Variants in FHL1 observed in about 807,000 individuals in gnomAD.
FHL1 encodes the protein four and a half LIM domains protein 1.
Under a neutral mutation model 20.3 loss-of-function variants are expected in FHL1, and 1 was observed. The ratio of observed to expected loss-of-function variants is 0.05; its 90% CI spans 0.02 to 0.23. FHL1 has a LOEUF of 0.23. FHL1 is among the 10% of genes least tolerant of loss of function. The pLI is 1.00. For missense variants in FHL1, 177 were observed against 234.0 expected (o/e 0.76, Z 1.59); for synonymous variants, 82 against 88.9 (o/e 0.92, Z 0.44).
intron 2 of FHL1, among the ~76,000 whole-genome samples, chrX:136,181,546 GA>G (rs111851993): frequency 8.9e-6 from 1 of 112,075 alleles, no homozygotes; most frequent in East Asian, 2.8e-4. Flanking sequence ...ATAATGCCTA[GA>G]AAAACCTTAA....
intron 1 of FHL1, chrX:136,148,807 A>C (rs1363376212): frequency 2.7e-5 from 3 of 112,615 alleles, no homozygotes; most frequent in Non-Finnish European, 5.6e-5. Flanking sequence ...GAAAAGGACA[A>C]GGCTTATTAA....
intron 1 of FHL1, among the ~76,000 whole-genome samples, chrX:136,200,653 TG>T (rs1415092668): frequency 2.7e-5 from 3 of 112,065 alleles, no homozygotes; most frequent in Non-Finnish European, 5.6e-5. Flanking sequence ...GATTAGGTAC[TG>T]GGGCCCCCTA....
upstream of FHL1, among the ~76,000 whole-genome samples, chrX:136,195,230 G>A (rs958744033): frequency 8.9e-6 from 1 of 112,404 alleles, no homozygotes; most frequent in African/African-American, 3.2e-5. Flanking sequence ...GCTTGAAACA[G>A]GAATTGACTT....
chrX:136,188,212 C>T (rs2073355178), intron 2 of FHL1, among the ~76,000 whole-genome samples: 1 of 111,658 alleles, frequency 9.0e-6, no homozygotes, highest in Non-Finnish European at 1.9e-5. Flanking sequence ...CAAATGAAGC[C>T]CTGATTGATA....
intron 2 of FHL1, among the ~76,000 whole-genome samples, chrX:136,180,884 G>A (rs757430419): frequency 8.0e-4 from 89 of 111,452 alleles, no homozygotes; most frequent in African/African-American, 2.8e-3. Context: ...TGGAATTACA[G>A]GCGCTTACCA....
At chrX:136,199,713 A>AT (rs1341261276) in intron 1 of FHL1, among the ~76,000 whole-genome samples, 3 of 112,210 alleles carry the variant, frequency 2.7e-5, no homozygotes, top group Admixed American at 9.4e-5. Flanking sequence ...AAATAACCTG[A>AT]TTTTTTTCCA....
chrX:136,168,325 T>A (rs1284628326), upstream of FHL1: 6 of 111,393 alleles, frequency 5.4e-5, no homozygotes, highest in African/African-American at 6.5e-5. Context: ...TGGTGGGAGA[T>A]GAGATGGAGT....
Position 136,179,117 on chromosome X carries a change from T to C in FHL1, c.-27+9137T>C, listed in dbSNP as rs2073089966. On this transcript the variant is annotated intron_variant, in intron 2 of 6. Coordinates refer to the FHL1 transcript ENST00000394153. The stretch of plus-strand genomic sequence containing the variant: ...CAAATTCATAATTTCCATAAGGTAC[T>C]CTCTGTGTTTCTTTCCCAGGACCGG... 5.4e-5 allele frequency among the ~76,000 whole-genome samples: 6 copies of C among 112,126 alleles called. No homozygotes were observed. The South Asian group carries it at 2.3e-3, about 42-fold the overall frequency.
chrX:136,199,332 ATTTG>A (rs776334500), intron 1 of FHL1, among the ~76,000 whole-genome samples: 10 of 111,975 alleles, frequency 8.9e-5, no homozygotes, highest in Non-Finnish European at 1.9e-4. Flanking sequence ...CCCAAAAAAG[ATTTG>A]TTTTTTTTCT....
At position 136,210,036 on chromosome X, in the gene FHL1, G is replaced by A. The variant is rs1217671446; in HGVS notation, c.*11G>A. The A allele has an allele frequency of 6.6e-6, 8 of 1,210,978 alleles. No homozygotes were observed. Among genetic ancestry groups the A allele is most frequent in the East Asian group, 3.0e-5 (1 of 33,813 alleles). Reference sequence around the variant, plus strand: ...GCCAAAAAGCTGTAAACTGACAGGGGCTCCTGTCCTGTAAAATGGCATTTG... The same window carrying A: ...GCCAAAAAGCTGTAAACTGACAGGGACTCCTGTCCTGTAAAATGGCATTTG... On this transcript the variant is annotated 3_prime_UTR_variant, in exon 6 of 6. Coordinates refer to ENST00000370683, the MANE Select transcript of FHL1 (RefSeq NM_001159699.2).
In FHL1 at chrX:136,210,658, T is replaced by G. The variant is rs2073989850; in HGVS notation, c.*633T>G. 2.6e-6 allele frequency: 1 copy of G among 388,684 alleles called. No individual in the cohort carries two copies. The highest frequency in any genetic ancestry group is 2.9e-5 in the Admixed American group (1 of 34,078). 32.0% of individuals were successfully genotyped at this position (388,684 alleles called of 1,213,427 possible). A position where few individuals can be genotyped will look rare whatever the true frequency, so the allele number is the denominator to read the frequency against. On this transcript the variant is annotated 3_prime_UTR_variant, in exon 6 of 6. Coordinates refer to ENST00000370683, the MANE Select transcript of FHL1 (RefSeq NM_001159699.2). Reference sequence around the variant, plus strand: ...GTTTGGTTTCCCCGTGTGGCATGTTTTCTGAGCGTTCCTACTTTAAAGCAT... The same window carrying G: ...GTTTGGTTTCCCCGTGTGGCATGTTGTCTGAGCGTTCCTACTTTAAAGCAT...
intron 1 of FHL1, among the ~76,000 whole-genome samples, chrX:136,152,660 C>T (rs1243550755): frequency 1.1e-5 from 1 of 95,002 alleles, no homozygotes; most frequent in African/African-American, 4.1e-5. Flanking sequence ...TCGGAGGTTG[C>T]AGTGAGCCGA....
chrX:136,206,067 C>G (rs1048885800), intron 1 of FHL1: 26 of 345,765 alleles, frequency 7.5e-5, no homozygotes, highest in African/African-American at 6.5e-4. Flanking sequence ...TGTCCCCTAT[C>G]TGGTGACTTG....
intron 2 of FHL1, among the ~76,000 whole-genome samples, chrX:136,190,925 T>C (rs975082073): frequency 1.8e-5 from 2 of 111,257 alleles, no homozygotes; most frequent in African/African-American, 6.5e-5. Context: ...CATTTCCAAC[T>C]CTATCATGCC....
chrX:136,204,312 G>A (rs758293155), intron 1 of FHL1, among the ~76,000 whole-genome samples: 4 of 112,529 alleles, frequency 3.6e-5, no homozygotes, highest in South Asian at 3.7e-4. Context: ...CGAGGCTTCT[G>A]TGTGACACTG....
At chrX:136,178,968 G>A (rs988198637) in intron 2 of FHL1, among the ~76,000 whole-genome samples, 1 of 111,046 alleles carries the variant, frequency 9.0e-6, no homozygotes, top group African/African-American at 3.3e-5. Context: ...TGTTGGCTAG[G>A]CTGGCCTCGA....
intron 1 of FHL1, among the ~76,000 whole-genome samples, chrX:136,161,218 C>T (rs1243802663): frequency 1.8e-5 from 2 of 111,202 alleles, no homozygotes; most frequent in Non-Finnish European, 3.8e-5. Context: ...CCTTTTGCCC[C>T]CTTGCTGCTC....
chrX:136,186,734 G>A (rs1278923771), intron 2 of FHL1, among the ~76,000 whole-genome samples: 3 of 108,987 alleles, frequency 2.8e-5, no homozygotes, highest in African/African-American at 1.0e-4. Context: ...CGCACCTTTA[G>A]TTCCAGCTAC....
chrX:136,182,301 A>T (rs752934488), intron 2 of FHL1, among the ~76,000 whole-genome samples: 1 of 112,146 alleles, frequency 8.9e-6, no homozygotes, highest in Non-Finnish European at 1.9e-5. Context: ...AATCAATTGC[A>T]TTTGGAAGGC....
Sources: allele counts gnomAD v4.1 joint callset (sites outside exome capture counted in the v4.1 genomes callset), GRCh38; gene constraint gnomAD v4.1.1; transcripts MANE v1.5; gene names NCBI Gene and HGNC (gene_info 2026-07-23, HGNC 2026-07-21).